Variants in SLC6A11 observed in about 807,000 individuals in gnomAD.
The protein encoded by SLC6A11 is solute carrier family 6 member 11.
SLC6A11 carries 25 observed loss-of-function variants against 74.8 expected under a neutral mutation model. The observed-to-expected ratio is 0.33, with a 90% CI of 0.24 to 0.47. The LOEUF (loss-of-function observed/expected upper bound fraction) is 0.47, where lower values mean the gene tolerates loss of function less well. SLC6A11 is among the 20% of genes least tolerant of loss of function. SLC6A11 has a pLI of 1.00. For synonymous variants in SLC6A11, 330 were observed against 330.2 expected (o/e 1.00, Z 0.01); for missense variants, 574 against 837.0 (o/e 0.69, Z 3.88).
At chr3:10,834,699 G>T (rs962855705) in intron 4 of SLC6A11, among the ~76,000 whole-genome samples, 2 of 152,180 alleles carry the variant, frequency 1.3e-5, no homozygotes, top group Non-Finnish European at 1.5e-5. Flanking sequence ...GCAGGATGGG[G>T]GAGAAGCGCC....
chr3:10,867,271 C>A (rs2106598652), intron 5 of SLC6A11, among the ~76,000 whole-genome samples: 1 of 152,244 alleles, frequency 6.6e-6, no homozygotes, highest in South Asian at 2.1e-4. Flanking sequence ...CAGCACCTGG[C>A]CACACGTGTG....
intron 4 of SLC6A11, among the ~76,000 whole-genome samples, chr3:10,832,925 G>A (rs1694316393): frequency 6.6e-6 from 1 of 152,214 alleles, no homozygotes; most frequent in Non-Finnish European, 1.5e-5. Flanking sequence ...CCAAGCTGCT[G>A]AAGTAGGAAG....
chr3:10,892,330 C>A lies in SLC6A11; in HGVS notation c.891+17235C>A, dbSNP rs1011649568. ...ATAGCTCTGCCTCCTTGCTTAGGGT[C>A]TCAGTGACGTTCCAAACAGTAGAGG... On this transcript the variant is annotated intron_variant, in intron 6 of 13. Transcript: ENST00000254488. Among the ~76,000 whole-genome samples, 3 of 152,228 alleles carry A rather than the reference C, an allele frequency of 2.0e-5. No homozygotes were observed. The East Asian group carries it at 5.8e-4, about 29-fold the overall frequency.
intron 4 of SLC6A11, among the ~76,000 whole-genome samples, chr3:10,840,151 A>C (rs1297759949): frequency 2.0e-5 from 3 of 152,078 alleles, no homozygotes; most frequent in African/African-American, 7.2e-5. Flanking sequence ...GCCCCTCAGC[A>C]AGGCTCACAG....
At chr3:10,870,609 A>G (rs1694818102) in intron 5 of SLC6A11, among the ~76,000 whole-genome samples, 1 of 152,220 alleles carries the variant, frequency 6.6e-6, no homozygotes. Flanking sequence ...GTGAAAGATG[A>G]TGTCCAAGTG....
chr3:10,819,326 C>G lies in SLC6A11; in HGVS notation c.257-139C>G, dbSNP rs868697197. ...AGAAACCTAGCGCTGTTTTCTGACT[C>G]TGGTCTTCATAATGGGAACTTGAAC... On this transcript the variant is annotated intron_variant, in intron 1 of 13. Transcript: ENST00000254488. 7 of 813,768 alleles carry G rather than the reference C, an allele frequency of 8.6e-6. No homozygotes were observed. In the Middle Eastern group the frequency reaches 1.0e-3, roughly 122 times the overall value. The allele number at this position is 813,768 out of a possible 1,614,324, so 50.4% of individuals were successfully genotyped here.
chr3:10,823,451 A>C lies in SLC6A11; in HGVS notation c.623+59A>C, dbSNP rs557730641. The C allele has an allele frequency of 2.6e-6, 3 of 1,166,524 alleles. No homozygotes were observed. In the South Asian group the frequency reaches 3.7e-5, roughly 14 times the overall value. 72.3% of individuals were successfully genotyped at this position (1,166,524 alleles called of 1,614,324 possible). On this transcript the variant is annotated intron_variant, in intron 4 of 13. Transcript: ENST00000254488. ...TGGGGGCTCTGTCCTGGTTCTGCTC[A>C]GTTGGTCTTGCCCCTATTCCTGGAA...
chr3:10,879,776 T>TA (rs1694952698), intron 6 of SLC6A11, among the ~76,000 whole-genome samples: 1 of 152,170 alleles, frequency 6.6e-6, no homozygotes, highest in Non-Finnish European at 1.5e-5. Context: ...TATACATACA[T>TA]ACATATATAT....
At chr3:10,830,019 A>G (rs1457094650) in intron 4 of SLC6A11, among the ~76,000 whole-genome samples, 1 of 152,122 alleles carries the variant, frequency 6.6e-6, no homozygotes, top group Non-Finnish European at 1.5e-5. Context: ...CTGGCTCTCC[A>G]TGAAGAAGCA....
intron 4 of SLC6A11, among the ~76,000 whole-genome samples, chr3:10,843,588 T>A (rs1195995177): frequency 6.6e-6 from 1 of 152,186 alleles, no homozygotes; most frequent in Admixed American, 6.5e-5. Flanking sequence ...CAGTAATAAA[T>A]GTCCCCAAAG....
intron 5 of SLC6A11, among the ~76,000 whole-genome samples, chr3:10,858,884 T>C (rs910865049): frequency 1.3e-5 from 2 of 152,166 alleles, no homozygotes; most frequent in Admixed American, 1.3e-4. Context: ...GCATATGGGA[T>C]TGTCCAGAGA....
At chr3:10,864,390 C>T (rs757784634) in intron 5 of SLC6A11, among the ~76,000 whole-genome samples, 1 of 151,708 alleles carries the variant, frequency 6.6e-6, no homozygotes, top group South Asian at 2.1e-4. Context: ...CAGCAACTTT[C>T]CCCCCAGTAA....
chr3:10,826,630 T>C (rs1049482259), intron 4 of SLC6A11, among the ~76,000 whole-genome samples: 2 of 152,246 alleles, frequency 1.3e-5, no homozygotes, highest in African/African-American at 4.8e-5. Flanking sequence ...GTTTTACTTA[T>C]CATTGCCAGG....
chr3:10,840,778 G>A (rs1238908429), intron 4 of SLC6A11, among the ~76,000 whole-genome samples: 1 of 152,204 alleles, frequency 6.6e-6, no homozygotes, highest in African/African-American at 2.4e-5. Context: ...TCTTGCTGAG[G>A]ATGTGAGTTT....
At chr3:10,934,842 G>T (rs555144295) in intron 12 of SLC6A11, among the ~76,000 whole-genome samples, 187 bp from the exon 13 acceptor site, 2 of 152,316 alleles carry the variant, frequency 1.3e-5, no homozygotes, top group African/African-American at 4.8e-5. Context: ...CTGTGGAATG[G>T]GGCTCTAGCC....
intron 4 of SLC6A11, among the ~76,000 whole-genome samples, chr3:10,836,016 C>G (rs1275148646): frequency 6.6e-6 from 1 of 152,212 alleles, no homozygotes; most frequent in Non-Finnish European, 1.5e-5. Context: ...TGCCCATTCA[C>G]CATTAATCTC....
At chr3:10,923,822 T>G (rs1346191353) in intron 8 of SLC6A11, among the ~76,000 whole-genome samples, 1 of 151,768 alleles carries the variant, frequency 6.6e-6, no homozygotes, top group Non-Finnish European at 1.5e-5. Flanking sequence ...TAACCTTAAG[T>G]GATCAAGGTA....
At chr3:10,837,669 C>T (rs1415778293) in intron 4 of SLC6A11, among the ~76,000 whole-genome samples, 1 of 152,174 alleles carries the variant, frequency 6.6e-6, no homozygotes, top group Admixed American at 6.5e-5. Flanking sequence ...ACCCTTATAC[C>T]CCTAGACCGT....
intron 7 of SLC6A11, among the ~76,000 whole-genome samples, chr3:10,916,163 C>T (rs1222127451): frequency 1.3e-5 from 2 of 152,224 alleles, no homozygotes; most frequent in Non-Finnish European, 2.9e-5. Flanking sequence ...GCACAAGGAG[C>T]AGATGTATCC....
Sources: gnomAD v4.1 joint callset for allele counts (sites outside exome capture counted in the v4.1 genomes callset) on GRCh38, gnomAD v4.1.1 for gene constraint, MANE v1.5 for transcripts, NCBI Gene and HGNC (gene_info 2026-07-23, HGNC 2026-07-21) for gene names.